RASA3: variants seen among roughly 807,000 people sequenced by gnomAD.
RASA3 encodes RAS p21 protein activator 3, also known as ras GTPase-activating protein 3.
A neutral mutation model predicts 110.0 loss-of-function variants in RASA3; 73 were observed. The observed-to-expected ratio is 0.66, with a 90% CI of 0.55 to 0.81. RASA3 has a LOEUF of 0.81. Among genes scored for constraint, RASA3 ranks in the 30% least tolerant of loss-of-function variants. The probability of loss-of-function intolerance (pLI) is 0.00; values close to 1 mark genes in which losing one functional copy is unlikely to be tolerated. For synonymous variants in RASA3, 500 were observed against 451.4 expected (o/e 1.11, Z -1.37); for missense variants, 976 against 1,113.2 (o/e 0.88, Z 1.75).
intron 5 of RASA3, among the ~76,000 whole-genome samples, chr13:114,028,556 TGGAAG>T: frequency 1.4e-5 from 2 of 145,242 alleles, no homozygotes; most frequent in East Asian, 2.1e-4. Context: ...AGCGTCATCC[TGGAAG>T]GGGGCCAGAA....
chr13:114,002,378 T>C (rs1475208351), intron 18 of RASA3, among the ~76,000 whole-genome samples: 1 of 151,850 alleles, frequency 6.6e-6, no homozygotes, highest in Non-Finnish European at 1.5e-5. Flanking sequence ...TCACAACCAG[T>C]GGATGCCGAA....
intron 9 of RASA3, among the ~76,000 whole-genome samples, chr13:114,020,679 A>G (rs2053907217): frequency 6.6e-6 from 1 of 152,152 alleles, no homozygotes; most frequent in African/African-American, 2.4e-5. Context: ...TGTTCCTTCC[A>G]CCAAAACACC....
intron 1 of RASA3, among the ~76,000 whole-genome samples, chr13:114,081,130 A>AGTGTCCC (rs2079782835): frequency 6.6e-6 from 1 of 152,086 alleles, no homozygotes; most frequent in East Asian, 1.9e-4. Flanking sequence ...GTCCACCCAA[A>AGTGTCCC]ACGCAACAGT....
chr13:114,027,378 A>C lies in RASA3; in HGVS notation c.603+11T>G. 1 of 1,599,204 alleles carries C rather than the reference A, an allele frequency of 6.3e-7. No homozygotes were observed. The highest frequency in any genetic ancestry group is 1.1e-5 in the South Asian group (1 of 90,684). On this transcript the variant is annotated intron_variant, in intron 7 of 23. Coordinates refer to ENST00000334062, the MANE Select transcript of RASA3 (RefSeq NM_007368.4). The stretch of plus-strand genomic sequence containing the variant: ...AGTTTCCACTTAACGTTGACCCATG[A>C]AGATACCAACCTCAAAATAAAACAC...
chr13:114,047,842 C>A (rs1424492402), intron 3 of RASA3, among the ~76,000 whole-genome samples: 5 of 152,162 alleles, frequency 3.3e-5, no homozygotes, highest in Admixed American at 3.3e-4. Flanking sequence ...GCAGTGGCTG[C>A]CCGGGGCTGT....
chr13:114,062,318 G>A (rs1214294608), intron 2 of RASA3, among the ~76,000 whole-genome samples: 1 of 151,934 alleles, frequency 6.6e-6, no homozygotes, highest in Admixed American at 6.6e-5. Context: ...ATTCATTGAG[G>A]GGGGGCTCGC....
chr13:113,997,200 G>C (rs1406137867), intron 20 of RASA3, among the ~76,000 whole-genome samples: 1 of 152,168 alleles, frequency 6.6e-6, no homozygotes, highest in Non-Finnish European at 1.5e-5. Flanking sequence ...ACCAGCCCAG[G>C]ATTCTTCCTC....
chr13:114,038,236 G>T (rs936681208), intron 4 of RASA3, among the ~76,000 whole-genome samples: 2 of 152,252 alleles, frequency 1.3e-5, no homozygotes, highest in African/African-American at 4.8e-5. Context: ...GAAGAGCTGG[G>T]GAACTCGCCG....
At chr13:114,109,939 T>A (rs2080194317) in intron 1 of RASA3, among the ~76,000 whole-genome samples, 1 of 152,050 alleles carries the variant, frequency 6.6e-6, no homozygotes, top group South Asian at 2.1e-4. Flanking sequence ...CCGGTGAACG[T>A]CCCGTCTCCT....
At position 114,115,238 on chromosome 13, in the gene RASA3, C is replaced by G. The variant is rs941201145; in HGVS notation, c.55+17197G>C. Among the ~76,000 whole-genome samples, 2 of 152,244 alleles carry G rather than the reference C, an allele frequency of 1.3e-5. No homozygotes were observed. ...TCCAGCGGTAACATGTTTACGGTCCCTGTGCCGCCGTGCGGTAGCAGTTTT... is the reference window on the plus strand; with the variant it reads ...TCCAGCGGTAACATGTTTACGGTCCGTGTGCCGCCGTGCGGTAGCAGTTTT... On this transcript the variant is annotated intron_variant, in intron 1 of 23. Coordinates refer to ENST00000334062, the MANE Select transcript of RASA3 (RefSeq NM_007368.4). This position sits in a 1 kb window ranked among gnomAD's most constrained non-coding sequence, Gnocchi z 5.0.
intron 1 of RASA3, among the ~76,000 whole-genome samples, chr13:114,126,300 C>T (rs969355009): frequency 2.0e-5 from 3 of 152,236 alleles, no homozygotes; most frequent in Non-Finnish European, 2.9e-5. Context: ...GTCAACCCAT[C>T]GGCCAGAGGC....
At position 114,014,441 on chromosome 13, in the gene RASA3, G is replaced by A. The variant is rs1188958236; in HGVS notation, c.1405+768C>T. On this transcript the variant is annotated intron_variant, in intron 14 of 23. Coordinates refer to ENST00000334062, the MANE Select transcript of RASA3 (RefSeq NM_007368.4). The surrounding 1 kb of genome is among the most constrained non-coding windows in gnomAD (Gnocchi z 4.5). ...CTCCTGGGGACACAGAAGCGTGGAC[G>A]GCTCTGCAGGACCATGGCCACCCCG... Among the ~76,000 whole-genome samples, 1 of 152,168 alleles carries A rather than the reference G, an allele frequency of 6.6e-6. No homozygotes were observed. The highest frequency in any genetic ancestry group is 1.5e-5 in the Non-Finnish European group (1 of 68,010).
At chr13:114,023,208 G>A (rs1426701344) in intron 8 of RASA3, among the ~76,000 whole-genome samples, 2 of 152,216 alleles carry the variant, frequency 1.3e-5, no homozygotes, top group Non-Finnish European at 2.9e-5. Context: ...CCTAAAGAAA[G>A]CAGGTGCATC....
At chr13:114,071,535 C>G (rs909826396) in intron 2 of RASA3, among the ~76,000 whole-genome samples, 2 of 152,222 alleles carry the variant, frequency 1.3e-5, no homozygotes, top group Admixed American at 1.3e-4. Flanking sequence ...AAAGGCACTT[C>G]TGAAGGGCTC....
chr13:114,003,655 TTC>T (rs34605276), intron 18 of RASA3, among the ~76,000 whole-genome samples: 20,627 of 152,224 alleles, frequency 0.14, 1,758 homozygotes, highest in Middle Eastern at 0.21. Context: ...TCGTAATATA[TTC>T]TGTGTCCTTG....
intron 1 of RASA3, among the ~76,000 whole-genome samples, chr13:114,092,055 G>T (rs573658520): frequency 6.6e-5 from 10 of 150,966 alleles, no homozygotes; most frequent in Admixed American, 4.0e-4. Context: ...ATTTATTGGG[G>T]TCTTATCTTT....
At chr13:114,036,575 T>C (rs2054282159) in intron 4 of RASA3, among the ~76,000 whole-genome samples, 1 of 152,190 alleles carries the variant, frequency 6.6e-6, no homozygotes, top group South Asian at 2.1e-4. Flanking sequence ...TTCACTCTTG[T>C]TGCCCAGGCT....
At chr13:114,045,215 A>G (rs1265078551) in intron 3 of RASA3, among the ~76,000 whole-genome samples, 1 of 152,182 alleles carries the variant, frequency 6.6e-6, no homozygotes, top group Non-Finnish European at 1.5e-5. Context: ...GTCTACTTAA[A>G]TTTCTCTGAT....
intron 4 of RASA3, among the ~76,000 whole-genome samples, chr13:114,038,762 C>A (rs1346886820): frequency 6.6e-6 from 1 of 152,130 alleles, no homozygotes; most frequent in Non-Finnish European, 1.5e-5. Context: ...GATGAGGGTT[C>A]CAGGAGGATG....
Sources: gnomAD v4.1 joint callset for allele counts (sites outside exome capture counted in the v4.1 genomes callset) on GRCh38, gnomAD v4.1.1 for gene constraint, Gnocchi (gnomAD v3.1) non-coding constraint, MANE v1.5 for transcripts, NCBI Gene and HGNC (gene_info 2026-07-23, HGNC 2026-07-21) for gene names.